Variants in MGAM2 observed in about 807,000 individuals in gnomAD.
The protein encoded by MGAM2 is probable maltase-glucoamylase 2.
Under a neutral mutation model 96.1 loss-of-function variants are expected in MGAM2, and 98 were observed. The ratio of observed to expected loss-of-function variants is 1.02; its 90% CI spans 0.87 to 1.21. The LOEUF is 1.21. MGAM2 is among the 50% of genes most tolerant of loss of function. MGAM2 has a pLI of 0.00. For synonymous variants in MGAM2, 749 were observed against 414.8 expected (o/e 1.81, Z -9.79); for missense variants, 2,055 against 1,182.4 (o/e 1.74, Z -10.82).
rs755159588 is a variant in MGAM2 at position 142,164,923 on chromosome 7, T to G, written c.2552T>G (p.Ile851Ser). 1 of 702,860 alleles carries G rather than the reference T, an allele frequency of 1.4e-6. No homozygotes were observed. The allele number at this position is 702,860 out of a possible 1,614,324, so 43.5% of individuals were successfully genotyped here. A position where few individuals can be genotyped will look rare whatever the true frequency, so the allele number is the denominator to read the frequency against. The change falls in exon 24 of 48, where the codon ATC (isoleucine) becomes AGC (serine). Residue 851 changes from isoleucine (I) to serine (S), a missense_variant. Physicochemically the swap from Ile to Ser is moderately radical, Grantham distance 142. Transcript: ENST00000477922. ...ACTGACAACCTCATGTTCACAGATA[T>G]CACAATCTTGGGAATGGACAAACAG... ...MDTDNLMFTDITILGMDKQPA... is the reference protein window; with the variant it reads ...MDTDNLMFTDSTILGMDKQPA...
chr7:142,212,179 C>A (rs1797606132), intron 46 of MGAM2, among the ~76,000 whole-genome samples: 1 of 152,178 alleles, frequency 6.6e-6, no homozygotes, highest in African/African-American at 2.4e-5. Flanking sequence ...ACTAGGCCTG[C>A]CTTACAAGAG....
chr7:142,131,437 A>G, intron 4 of MGAM2, 81 bp from the exon 5 acceptor site: 1 of 636,048 alleles, frequency 1.6e-6, no homozygotes, highest in Non-Finnish European at 2.8e-6. Flanking sequence ...ACTCCATCTC[A>G]AAACAAAAAC....
At chr7:142,214,382 A>G (rs1797682571) in intron 46 of MGAM2, among the ~76,000 whole-genome samples, 1 of 152,222 alleles carries the variant, frequency 6.6e-6, no homozygotes, top group Non-Finnish European at 1.5e-5. Flanking sequence ...CTATTTGCAG[A>G]TGATGTGATT....
intron 6 of MGAM2, among the ~76,000 whole-genome samples, chr7:142,132,729 T>C (rs2129077810): frequency 7.9e-6 from 1 of 126,164 alleles, no homozygotes; most frequent in East Asian, 2.3e-4. Flanking sequence ...ATAATATTAA[T>C]AGAAATATGT....
chr7:142,209,923 T>C (rs1174940148), intron 46 of MGAM2, among the ~76,000 whole-genome samples: 2 of 152,206 alleles, frequency 1.3e-5, no homozygotes, highest in East Asian at 1.9e-4. Flanking sequence ...CTGGGCAAGA[T>C]GGCCAAATAG....
intron 37 of MGAM2, among the ~76,000 whole-genome samples, chr7:142,192,369 A>G (rs2129098368): frequency 6.6e-6 from 1 of 152,276 alleles, no homozygotes; most frequent in Admixed American, 6.5e-5. Context: ...TGAAATACAC[A>G]CAAAACAAAT....
intron 37 of MGAM2, among the ~76,000 whole-genome samples, chr7:142,194,685 AAC>A (rs1796971611): frequency 8.9e-6 from 1 of 111,892 alleles, no homozygotes; most frequent in Non-Finnish European, 1.8e-5. Flanking sequence ...GTTTTAATAG[AAC>A]ATGTGTGTAT....
At position 142,130,944 on chromosome 7, in the gene MGAM2, A is replaced by G; in HGVS notation, c.187-4A>G. The G allele has an allele frequency of 1.4e-6, 1 of 702,628 alleles. No individual in the cohort carries two copies. The allele number at this position is 702,628 out of a possible 1,614,324, so 43.5% of individuals were successfully genotyped here. On this transcript the variant is annotated splice_region_variant and splice_polypyrimidine_tract_variant and intron_variant, in intron 3 of 47. Transcript: ENST00000477922. ...ATACTGCTAACTCTGTGTCATTGTT[A>G]CAGGATATCTGCAGATGGCAATATA...
chr7:142,118,404 C>T (rs1020861673), intron 2 of MGAM2, among the ~76,000 whole-genome samples: 2 of 151,932 alleles, frequency 1.3e-5, no homozygotes, highest in African/African-American at 2.4e-5. Context: ...AATGTAGAGC[C>T]GTAAAGATAG....
At chr7:142,165,172 G>A in intron 24 of MGAM2, 149 bp downstream of exon 24, 1 of 503,902 alleles carries the variant, frequency 2.0e-6, no homozygotes, top group Non-Finnish European at 3.5e-6. Flanking sequence ...GGAGAAACGT[G>A]TGCATGCTAA....
At chr7:142,125,877 T>A (rs1794720816) in intron 3 of MGAM2, among the ~76,000 whole-genome samples, 1 of 152,168 alleles carries the variant, frequency 6.6e-6, no homozygotes, top group African/African-American at 2.4e-5. Context: ...ATTATAGTTA[T>A]GTACAGAACA....
In MGAM2 at chr7:142,131,944, A is replaced by T; in HGVS notation, c.434A>T (p.Asn145Ile). 1 of 702,216 alleles carries T rather than the reference A, an allele frequency of 1.4e-6. No individual in the cohort carries two copies. Among genetic ancestry groups the T allele is most frequent in the South Asian group, 1.5e-5 (1 of 67,428 alleles). The allele number at this position is 702,216 out of a possible 1,614,324, so 43.5% of individuals were successfully genotyped here. A position where few individuals can be genotyped will look rare whatever the true frequency, so the allele number is the denominator to read the frequency against. Residue 145 changes from asparagine (N) to isoleucine (I), a missense_variant, in exon 6 of 48, where the codon AAT becomes ATT. By Grantham distance (149) the Asn-to-Ile change is moderately radical. Coordinates refer to ENST00000477922, the MANE Select transcript of MGAM2 (RefSeq NM_001293626.2). ...TTCTTTTGACAGATCACTGACTTTA[A>T]TAACATACGCTATGAAGTTTCCCAT... ...NRFHFKITDF[N>I]NIRYEVSHEN...
At chr7:142,170,790 G>A (rs1386969955) in intron 27 of MGAM2, among the ~76,000 whole-genome samples, 1 of 152,188 alleles carries the variant, frequency 6.6e-6, no homozygotes, top group African/African-American at 2.4e-5. Flanking sequence ...GCTGTCACCT[G>A]TGTGTGCACC....
At chr7:142,138,816 G>C in intron 10 of MGAM2, 149 bp downstream of exon 10, 1 of 592,210 alleles carries the variant, frequency 1.7e-6, no homozygotes, top group Middle Eastern at 4.5e-4. Flanking sequence ...GTTAAGTTAT[G>C]TATCTGAGCA....
At position 142,119,104 on chromosome 7, in the gene MGAM2, C is replaced by T. The variant is rs562357871; in HGVS notation, c.107-1198C>T. Reference sequence around the variant, plus strand: ...GGAACATACCTGCAGATGATGTATCCGATGTTAGGCCCTTATCAGATATAT... The same window carrying T: ...GGAACATACCTGCAGATGATGTATCTGATGTTAGGCCCTTATCAGATATAT... On this transcript the variant is annotated intron_variant, in intron 2 of 47. Transcript: ENST00000477922. Among the ~76,000 whole-genome samples, 15 of 152,068 alleles carry T rather than the reference C, an allele frequency of 9.9e-5. No homozygotes were observed. In the South Asian group the frequency reaches 2.9e-3, roughly 29 times the overall value.
intron 3 of MGAM2, among the ~76,000 whole-genome samples, chr7:142,123,692 G>A (rs1165485441): frequency 6.6e-6 from 1 of 151,748 alleles, no homozygotes; most frequent in African/African-American, 2.4e-5. Flanking sequence ...TCCTTTGTTA[G>A]ATATATATCT....
At chr7:142,153,352 C>A (rs1753788050) in intron 15 of MGAM2, among the ~76,000 whole-genome samples, 1 of 152,144 alleles carries the variant, frequency 6.6e-6, no homozygotes, top group African/African-American at 2.4e-5. Context: ...ATTTATAATA[C>A]AATGAAAATA....
At chr7:142,126,901 T>G (rs553286589) in intron 3 of MGAM2, among the ~76,000 whole-genome samples, 5 of 152,310 alleles carry the variant, frequency 3.3e-5, no homozygotes, top group South Asian at 2.1e-4. Flanking sequence ...TTGAATATAA[T>G]AAGAAGTCCC....
intron 15 of MGAM2, among the ~76,000 whole-genome samples, chr7:142,149,613 T>G (rs985397129): frequency 6.0e-5 from 9 of 150,494 alleles, no homozygotes; most frequent in Admixed American, 2.6e-4. Context: ...CGATCTCGGC[T>G]CACTGCAAGC....
Sources: gnomAD v4.1 joint callset for allele counts (sites outside exome capture counted in the v4.1 genomes callset) on GRCh38, gnomAD v4.1.1 for gene constraint, MANE v1.5 for transcripts, NCBI Gene and HGNC (gene_info 2026-07-23, HGNC 2026-07-21) for gene names.